The following MAGI2 variants were observed in gnomAD, a reference collection of about 807,000 sequenced individuals.
MAGI2 encodes membrane associated guanylate kinase, WW and PDZ domain containing 2.
MAGI2 carries 35 observed loss-of-function variants against 133.3 expected under a neutral mutation model. The ratio of observed to expected loss-of-function variants is 0.26; its 90% CI spans 0.20 to 0.35. MAGI2 has a LOEUF of 0.35. Among genes scored for constraint, MAGI2 ranks in the 10% least tolerant of loss-of-function variants. The pLI is 1.00. For synonymous variants in MAGI2, 729 were observed against 710.6 expected, an observed-to-expected ratio of 1.03 and a Z score of -0.41; for missense variants, 1,636 against 1,863.4, an observed-to-expected ratio of 0.88 and a Z score of 2.25.
chr7:78,494,614 T>C (rs1445000785), intron 5 of MAGI2, among the ~76,000 whole-genome samples: 1 of 152,190 alleles, frequency 6.6e-6, no homozygotes, highest in Non-Finnish European at 1.5e-5. Context: ...TCCTTTCCTT[T>C]CTAATTTCTT....
chr7:78,081,478 C>G (rs1815965080), intron 20 of MAGI2, among the ~76,000 whole-genome samples: 1 of 152,134 alleles, frequency 6.6e-6, no homozygotes, highest in Admixed American at 6.5e-5. Context: ...AAAGAACAGA[C>G]ATCTAACCCA....
intron 6 of MAGI2, among the ~76,000 whole-genome samples, chr7:78,466,059 T>C (rs755495166): frequency 3.3e-5 from 5 of 152,174 alleles, no homozygotes; most frequent in Non-Finnish European, 5.9e-5. Flanking sequence ...CACTTGCTCT[T>C]AACATCCTCC....
chr7:78,514,061 C>G (rs960171779), intron 4 of MAGI2, among the ~76,000 whole-genome samples: 10 of 128,006 alleles, frequency 7.8e-5, no homozygotes, highest in African/African-American at 3.2e-4. Context: ...ACACTCCAGC[C>G]TGGGCAACAA....
chr7:78,801,800 T>G (rs1788079032), intron 2 of MAGI2, among the ~76,000 whole-genome samples: 1 of 152,148 alleles, frequency 6.6e-6, no homozygotes, highest in Non-Finnish European at 1.5e-5. Context: ...ATGAGTGATC[T>G]CATTTATTAC....
chr7:79,327,132 C>G (rs1341016183), intron 1 of MAGI2, among the ~76,000 whole-genome samples: 15 of 152,034 alleles, frequency 9.9e-5, no homozygotes, highest in Admixed American at 9.8e-4. Context: ...TCTGTGTGAC[C>G]TGGGGTAAAC....
At chr7:78,325,189 C>T (rs1341420413) in intron 9 of MAGI2, among the ~76,000 whole-genome samples, 1 of 152,062 alleles carries the variant, frequency 6.6e-6, no homozygotes, top group Admixed American at 6.6e-5. Context: ...CCACTGTACC[C>T]CTAAGAGTAT....
intron 1 of MAGI2, among the ~76,000 whole-genome samples, chr7:79,019,013 A>G (rs1457996638): frequency 6.6e-6 from 1 of 152,218 alleles, no homozygotes; most frequent in African/African-American, 2.4e-5. Flanking sequence ...ATATTTCAGG[A>G]CCTTAACCAA....
intron 1 of MAGI2, among the ~76,000 whole-genome samples, chr7:79,405,921 C>CAAAAAAAAAAA (rs34025242): frequency 1.9e-5 from 2 of 107,314 alleles, no homozygotes. Context: ...AACCACAACA[C>CAAAAAAAAAAA]AAAAAAAAAA....
At chr7:78,292,979 C>T (rs1796871842) in intron 9 of MAGI2, among the ~76,000 whole-genome samples, 2 of 152,138 alleles carry the variant, frequency 1.3e-5, no homozygotes, top group African/African-American at 2.4e-5. Context: ...ACCATAGAAA[C>T]CCTAGAAGAA....
chr7:78,188,782 A>T (rs1827938634), intron 12 of MAGI2, among the ~76,000 whole-genome samples: 1 of 152,110 alleles, frequency 6.6e-6, no homozygotes, highest in East Asian at 1.9e-4. Context: ...TATGGCATCC[A>T]TGAATTTATT....
At chr7:79,389,924 G>T (rs1011244037) in intron 1 of MAGI2, among the ~76,000 whole-genome samples, 1 of 152,128 alleles carries the variant, frequency 6.6e-6, no homozygotes, top group Non-Finnish European at 1.5e-5. Flanking sequence ...AGATTCAAAT[G>T]CTATGAGGAG....
At chr7:78,414,095 A>C (rs1762126183) in intron 6 of MAGI2, among the ~76,000 whole-genome samples, 1 of 152,014 alleles carries the variant, frequency 6.6e-6, no homozygotes, top group South Asian at 2.1e-4. Flanking sequence ...CTGTTCCCTC[A>C]GTGTTTTACT....
At chr7:79,226,367 C>T (rs1225659712) in intron 1 of MAGI2, among the ~76,000 whole-genome samples, 1 of 152,052 alleles carries the variant, frequency 6.6e-6, no homozygotes, top group Non-Finnish European at 1.5e-5. Context: ...TGTTTAGGCA[C>T]CCCAATCCCC....
chr7:78,795,759 A>T (rs1787550711), intron 2 of MAGI2, among the ~76,000 whole-genome samples: 2 of 152,160 alleles, frequency 1.3e-5, no homozygotes, highest in African/African-American at 4.8e-5. Flanking sequence ...AGCTATAATA[A>T]CCAAAGCGGC....
chr7:79,111,414 C>A (rs1396616089), intron 1 of MAGI2, among the ~76,000 whole-genome samples: 4 of 152,122 alleles, frequency 2.6e-5, no homozygotes, highest in Admixed American at 2.6e-4. Context: ...GACACAAATA[C>A]CTTGGCAATA....
At chr7:78,873,747 G>C (rs1795211194) in intron 2 of MAGI2, among the ~76,000 whole-genome samples, 1 of 152,004 alleles carries the variant, frequency 6.6e-6, no homozygotes, top group African/African-American at 2.4e-5. Flanking sequence ...CCTGTCCCTG[G>C]TACCAAAAAG....
At chr7:78,369,763 A>T (rs1337792520) in intron 6 of MAGI2, among the ~76,000 whole-genome samples, 1 of 152,064 alleles carries the variant, frequency 6.6e-6, no homozygotes, top group Non-Finnish European at 1.5e-5. Context: ...TTTAAAAATA[A>T]GGTATAAAAT....
chr7:79,331,511 A>G (rs962206598), intron 1 of MAGI2, among the ~76,000 whole-genome samples: 3 of 152,190 alleles, frequency 2.0e-5, no homozygotes, highest in African/African-American at 7.2e-5. Flanking sequence ...ATTAACTCCC[A>G]CACATTGACT....
chr7:78,169,255 A>T (rs996753233), intron 14 of MAGI2, among the ~76,000 whole-genome samples: 17 of 152,208 alleles, frequency 1.1e-4, no homozygotes, highest in Admixed American at 7.9e-4. Flanking sequence ...CAATTTTTCA[A>T]ACTCATGACC....
Sources: allele counts gnomAD v4.1 joint callset (sites outside exome capture counted in the v4.1 genomes callset), GRCh38; gene constraint gnomAD v4.1.1; transcripts MANE v1.5; gene names NCBI Gene and HGNC (gene_info 2026-07-23, HGNC 2026-07-21).